RAB22A: variants seen among roughly 807,000 people sequenced by gnomAD.
The protein encoded by RAB22A is RAB22A, member RAS oncogene family.
RAB22A carries 13 observed loss-of-function variants against 30.2 expected under a neutral mutation model. That is an observed-to-expected ratio of 0.43 (90% CI 0.28 to 0.68). The LOEUF is 0.68. Among genes scored for constraint, RAB22A ranks in the 30% least tolerant of loss-of-function variants. The pLI is 0.18. For missense variants in RAB22A, 177 were observed against 246.8 expected (o/e 0.72, Z 1.89); for synonymous variants, 89 against 87.2 (o/e 1.02, Z -0.11).
chr20:58,346,815 C>A (rs1986957564), intron 3 of RAB22A, among the ~76,000 whole-genome samples: 1 of 152,192 alleles, frequency 6.6e-6, no homozygotes, highest in African/African-American at 2.4e-5. Context: ...CAAATAAACT[C>A]TTTGGAGTAT....
rs900673316 is a variant in RAB22A, at chr20:58,324,575, C to G, written c.116+13453C>G. Among the ~76,000 whole-genome samples the G allele has an allele frequency of 8.5e-5, 13 of 152,090 alleles. No homozygotes were observed. In the South Asian group the frequency reaches 2.7e-3, roughly 32 times the overall value. ...TCCTCCTCGGTTGTATTCCTTGTATCTTAAAACTTTAGGCCAGGCACAGTG... is the reference window on the plus strand; with the variant it reads ...TCCTCCTCGGTTGTATTCCTTGTATGTTAAAACTTTAGGCCAGGCACAGTG... On this transcript the variant is annotated intron_variant, in intron 2 of 6. Coordinates refer to ENST00000244040, the MANE Select transcript of RAB22A (RefSeq NM_020673.3).
Position 58,359,760 on chromosome 20 carries a change from G to T in RAB22A, c.*57G>T. 2 of 1,478,384 alleles carry T rather than the reference G, an allele frequency of 1.4e-6. No homozygotes were observed. The highest frequency in any genetic ancestry group is 1.2e-5 in the South Asian group (1 of 85,954). The allele number at this position is 1,478,384 out of a possible 1,614,324, so 91.6% of individuals were successfully genotyped here. A position where few individuals can be genotyped will look rare whatever the true frequency, so the allele number is the denominator to read the frequency against. On this transcript the variant is annotated 3_prime_UTR_variant, in exon 7 of 7. Coordinates refer to ENST00000244040, the MANE Select transcript of RAB22A (RefSeq NM_020673.3). ...AGTAGGTGGTCCTGAAAGTTAACAGGAGGGCTGGGGTCCCTGCCACCAGTT... is the reference window on the plus strand; with the variant it reads ...AGTAGGTGGTCCTGAAAGTTAACAGTAGGGCTGGGGTCCCTGCCACCAGTT...
chr20:58,310,904 CGCTT>C (rs1986212122), intron 1 of RAB22A, 135 bp from the exon 2 acceptor site: 1 of 696,048 alleles, frequency 1.4e-6, no homozygotes, highest in African/African-American at 1.8e-5. Context: ...TTATGACAAC[CGCTT>C]TTGTGTTCCT....
chr20:58,355,443 C>T (rs6100035), intron 6 of RAB22A, among the ~76,000 whole-genome samples: 1 of 152,086 alleles, frequency 6.6e-6, no homozygotes, highest in East Asian at 1.9e-4. Flanking sequence ...CTTTGCAGGC[C>T]TAAGGAGCCC....
At chr20:58,356,708 G>A (rs1325248829) in intron 6 of RAB22A, among the ~76,000 whole-genome samples, 1 of 152,078 alleles carries the variant, frequency 6.6e-6, no homozygotes, top group Non-Finnish European at 1.5e-5. Flanking sequence ...CATATATTTT[G>A]TACTTTATAT....
At position 58,366,586 on chromosome 20, in the gene RAB22A, A is replaced by G. The variant is rs564385996; in HGVS notation, c.*6883A>G. The stretch of plus-strand genomic sequence containing the variant: ...AAAATATCATAGGCACCTCAAAGAC[A>G]TGTACAACTCTTAATTTAACATTTT... On this transcript the variant is annotated 3_prime_UTR_variant, in exon 7 of 7. Coordinates refer to ENST00000244040, the MANE Select transcript of RAB22A (RefSeq NM_020673.3). The G allele has an allele frequency of 1.3e-5, 2 of 152,222 alleles. No individual in the cohort carries two copies. The highest frequency in any genetic ancestry group is 3.9e-4 in the East Asian group (2 of 5,178). The allele number at this position is 152,222 out of a possible 1,614,324, so 9.4% of individuals were successfully genotyped here. A position where few individuals can be genotyped will look rare whatever the true frequency, so the allele number is the denominator to read the frequency against.
At position 58,311,037 on chromosome 20, in the gene RAB22A, T is replaced by C. The variant is rs1388530083; in HGVS notation, c.37-6T>C. On this transcript the variant is annotated splice_region_variant and splice_polypyrimidine_tract_variant and intron_variant, in intron 1 of 6. Transcript: ENST00000244040. ...TTTCTCAGTCCCTCATCTCGTTCTC[T>C]TTCAGGATACAGGTGTAGGTAAATC... is the stretch of plus-strand genomic sequence containing the variant. The C allele has an allele frequency of 1.3e-6, 2 of 1,595,024 alleles. No individual in the cohort carries two copies. The highest frequency in any genetic ancestry group is 2.2e-5 in the South Asian group (2 of 90,688).
At chr20:58,310,980 G>T in intron 1 of RAB22A, 63 bp from the exon 2 acceptor site, 2 of 1,313,548 alleles carry the variant, frequency 1.5e-6, no homozygotes, top group Non-Finnish European at 2.2e-6. Context: ...ATGCCACAAA[G>T]TAGTTTTTGG....
intron 2 of RAB22A, among the ~76,000 whole-genome samples, chr20:58,337,100 C>G (rs1986769766): frequency 6.6e-6 from 1 of 152,192 alleles, no homozygotes; most frequent in African/African-American, 2.4e-5. Context: ...TTTAACACAT[C>G]ACAGCAAACT....
intron 2 of RAB22A, 35 bp downstream of exon 2, chr20:58,311,157 G>A (rs1986218078): frequency 5.9e-6 from 9 of 1,519,912 alleles, no homozygotes; most frequent in Non-Finnish European, 8.2e-6. Flanking sequence ...ATCTAAAGGT[G>A]CATTGAAAAT....
At chr20:58,333,783 C>T (rs1986699491) in intron 2 of RAB22A, among the ~76,000 whole-genome samples, 1 of 152,152 alleles carries the variant, frequency 6.6e-6, no homozygotes, top group Admixed American at 6.5e-5. Context: ...GGCCCAGTGC[C>T]ATGGCTCACA....
At chr20:58,312,552 G>A (rs554138520) in intron 2 of RAB22A, among the ~76,000 whole-genome samples, 2,201 of 129,280 alleles carry the variant, frequency 0.017, 28 homozygotes, top group Non-Finnish European at 0.022. Context: ...GCAGTGGCGC[G>A]ATCTTGGCTC....
At position 58,364,126 on chromosome 20, in the gene RAB22A, T is replaced by C. The variant is rs1987275501; in HGVS notation, c.*4423T>C. 1 of 152,628 alleles carries C rather than the reference T, an allele frequency of 6.6e-6. No homozygotes were observed. The highest frequency in any genetic ancestry group is 1.5e-5 in the Non-Finnish European group (1 of 68,034). The allele number at this position is 152,628 out of a possible 1,614,324, so 9.5% of individuals were successfully genotyped here. On this transcript the variant is annotated 3_prime_UTR_variant, in exon 7 of 7. Coordinates refer to ENST00000244040, the MANE Select transcript of RAB22A (RefSeq NM_020673.3). ...GAAGATATTACATTTTTCAGGAGCC[T>C]CCATTTTTTCAGTCTAAGAGAATGA...
At chr20:58,314,574 C>G (rs1986298333) in intron 2 of RAB22A, among the ~76,000 whole-genome samples, 1 of 152,136 alleles carries the variant, frequency 6.6e-6, no homozygotes, top group Non-Finnish European at 1.5e-5. Context: ...TGCACGGTGG[C>G]TCACACCTGT....
chr20:58,325,476 CA>C (rs377044321), intron 2 of RAB22A, among the ~76,000 whole-genome samples: 17 of 142,958 alleles, frequency 1.2e-4, no homozygotes, highest in African/African-American at 2.1e-4. Context: ...GACTCCGTCT[CA>C]AAAAAAAAAC....
At chr20:58,321,402 A>G (rs986506924) in intron 2 of RAB22A, among the ~76,000 whole-genome samples, 1 of 152,016 alleles carries the variant, frequency 6.6e-6, no homozygotes, top group Non-Finnish European at 1.5e-5. Flanking sequence ...GAACATACTC[A>G]GTATTATTTC....
chr20:58,364,645 A>G lies in RAB22A; in HGVS notation c.*4942A>G, dbSNP rs1468581293. Reference sequence around the variant, plus strand: ...ACTCCACAAAATGCATCATAATTGAAACAACAAAATTATTTTCATGAGCAA... The same window carrying G: ...ACTCCACAAAATGCATCATAATTGAGACAACAAAATTATTTTCATGAGCAA... On this transcript the variant is annotated 3_prime_UTR_variant, in exon 7 of 7. Coordinates refer to ENST00000244040, the MANE Select transcript of RAB22A (RefSeq NM_020673.3). 4 of 152,190 alleles carry G rather than the reference A, an allele frequency of 2.6e-5. No homozygotes were observed. Among genetic ancestry groups the G allele is most frequent in the Admixed American group, 6.5e-5 (1 of 15,288 alleles). 9.4% of individuals were successfully genotyped at this position (152,190 alleles called of 1,614,324 possible). A position where few individuals can be genotyped will look rare whatever the true frequency, so the allele number is the denominator to read the frequency against.
chr20:58,324,307 T>G lies in RAB22A; in HGVS notation c.116+13185T>G, dbSNP rs559844221. 8.8e-3 allele frequency among the ~76,000 whole-genome samples: 345 copies of G among 39,344 alleles called. 1 individual carries two copies. Among genetic ancestry groups the G allele is most frequent in the African/African-American group, 0.072 (324 of 4,520 alleles). The allele number at this position is 39,344 out of a possible 152,430, so 25.8% of individuals were successfully genotyped here. ...TGTATTGGTTTTAATACATTGGGGTTTTTTTTTTTAAGGATTTTGACTCTT... is the reference window on the plus strand; with the variant it reads ...TGTATTGGTTTTAATACATTGGGGTGTTTTTTTTTAAGGATTTTGACTCTT... On this transcript the variant is annotated intron_variant, in intron 2 of 6. Transcript: ENST00000244040.
intron 3 of RAB22A, among the ~76,000 whole-genome samples, chr20:58,348,143 C>G (rs1986982812): frequency 6.6e-6 from 1 of 152,158 alleles, no homozygotes; most frequent in Non-Finnish European, 1.5e-5. Flanking sequence ...AGGAGAATCA[C>G]TTGATCCCGG....
Sources: allele counts gnomAD v4.1 joint callset (sites outside exome capture counted in the v4.1 genomes callset), GRCh38; gene constraint gnomAD v4.1.1; transcripts MANE v1.5; gene names NCBI Gene and HGNC (gene_info 2026-07-23, HGNC 2026-07-21).